Variants in MREG observed in about 807,000 individuals in gnomAD.
MREG encodes melanoregulin, also known as dilute suppressor protein homolog.
A neutral mutation model predicts 28.5 loss-of-function variants in MREG; 31 were observed. The observed-to-expected ratio is 1.09, with a 90% confidence interval of 0.82 to 1.47. The LOEUF (loss-of-function observed/expected upper bound fraction) is 1.47. MREG is among the 40% of genes most tolerant of loss of function. MREG has a pLI of 0.00. For missense variants in MREG, 256 were observed against 257.4 expected, an observed-to-expected ratio of 0.99 and a Z score of 0.04; for synonymous variants, 106 against 95.2, an observed-to-expected ratio of 1.11 and a Z score of -0.66.
rs182034663 is a variant in MREG at position 215,994,280 on chromosome 2, A to G, written c.255+2026T>C. Among the ~76,000 whole-genome samples, 910 of 151,950 alleles carry G rather than the reference A, an allele frequency of 6.0e-3. 20 individuals carry two copies. Among genetic ancestry groups the G allele is most frequent in the African/African-American group, 0.021 (851 of 41,258 alleles). On this transcript the variant is annotated intron_variant, in intron 2 of 4. Coordinates refer to ENST00000263268, the MANE Select transcript of MREG (RefSeq NM_018000.3). ...CTTTGCAGGGACATGGATGAAGCTG[A>G]AAACCATCATTCTCAGCAAACTAAC...
At chr2:215,957,170 C>G (rs1467262076) in intron 2 of MREG, among the ~76,000 whole-genome samples, 1 of 152,166 alleles carries the variant, frequency 6.6e-6, no homozygotes, top group East Asian at 1.9e-4. Flanking sequence ...AAAAGACCAA[C>G]CTGAAGCCAC....
Position 215,996,478 on chromosome 2 carries a change from A to T in MREG, c.96-13T>A. On this transcript the variant is annotated splice_polypyrimidine_tract_variant and intron_variant, in intron 1 of 4. Coordinates refer to ENST00000263268, the MANE Select transcript of MREG (RefSeq NM_018000.3). The stretch of plus-strand genomic sequence containing the variant: ...TGGATTGTTATCACTGTTGTATAAA[A>T]AAAGGAAAGATTGGGGTTTTATAAT... 6.3e-7 allele frequency: 1 copy of T among 1,599,120 alleles called. No individual in the cohort carries two copies. The highest frequency in any genetic ancestry group is 8.5e-7 in the Non-Finnish European group (1 of 1,173,312).
At chr2:216,030,461 T>A (rs1425647259) in intron 1 of MREG, among the ~76,000 whole-genome samples, 1 of 152,170 alleles carries the variant, frequency 6.6e-6, no homozygotes, top group Non-Finnish European at 1.5e-5. Context: ...AAGGCTAAAA[T>A]GAGATAATGC....
upstream of MREG, among the ~76,000 whole-genome samples, chr2:216,015,893 G>A (rs373188422): frequency 2.2e-4 from 33 of 152,290 alleles, no homozygotes; most frequent in African/African-American, 7.5e-4. Context: ...GGGAGGAGCC[G>A]GTTTGGAGGG....
chr2:215,977,058 T>C (rs1693281697), intron 2 of MREG, among the ~76,000 whole-genome samples: 1 of 152,164 alleles, frequency 6.6e-6, no homozygotes, highest in South Asian at 2.1e-4. Flanking sequence ...ATGGGCTAGA[T>C]GCCCCAACTA....
intron 1 of MREG, among the ~76,000 whole-genome samples, chr2:216,009,945 GTACTCTGTAA>G (rs1694254057): frequency 1.3e-5 from 2 of 152,168 alleles, no homozygotes; most frequent in African/African-American, 4.8e-5. Flanking sequence ...TCTTTCAAAA[GTACTCTGTAA>G]TGGGCTGAAT....
chr2:215,973,020 T>C (rs546776417), intron 2 of MREG, among the ~76,000 whole-genome samples: 1 of 152,092 alleles, frequency 6.6e-6, no homozygotes, highest in East Asian at 1.9e-4. Flanking sequence ...AATATGAGTG[T>C]TGGGGTCCTT....
chr2:215,977,668 A>G (rs1295653880), intron 2 of MREG, among the ~76,000 whole-genome samples: 1 of 152,234 alleles, frequency 6.6e-6, no homozygotes, highest in Non-Finnish European at 1.5e-5. Context: ...AACAGAAATT[A>G]TAACAAACTG....
chr2:215,965,053 C>G (rs183067996), intron 2 of MREG, among the ~76,000 whole-genome samples: 1 of 152,012 alleles, frequency 6.6e-6, no homozygotes, highest in Non-Finnish European at 1.5e-5. Context: ...CTTTAAAATC[C>G]CTAAGAATGA....
chr2:215,996,277 C>T (rs199575141), intron 2 of MREG, 29 bp downstream of exon 2: 769 of 1,603,418 alleles, frequency 4.8e-4, no homozygotes, highest in Non-Finnish European at 5.8e-4. Flanking sequence ...GCATCATCCG[C>T]GCACAGCAAG....
intron 2 of MREG, among the ~76,000 whole-genome samples, chr2:215,974,627 TA>T (rs1161239178): frequency 6.6e-6 from 1 of 152,098 alleles, no homozygotes; most frequent in Non-Finnish European, 1.5e-5. Context: ...CACAAAGATC[TA>T]TTAATTAGCA....
chr2:216,009,225 G>A (rs1254739019), intron 1 of MREG, among the ~76,000 whole-genome samples: 21 of 151,916 alleles, frequency 1.4e-4, no homozygotes, highest in Admixed American at 1.4e-3. Flanking sequence ...TGAACTCATG[G>A]CCAACACCCT....
chr2:215,975,659 T>C (rs1159597402), intron 2 of MREG, among the ~76,000 whole-genome samples: 1 of 152,162 alleles, frequency 6.6e-6, no homozygotes, highest in Non-Finnish European at 1.5e-5. Context: ...AATAACCTCA[T>C]AGGTTTCTGT....
At chr2:215,940,850 T>C (rs12472599), downstream of MREG, among the ~76,000 whole-genome samples, 44,091 of 151,996 alleles carry the variant, frequency 0.29, 6,790 homozygotes, top group Non-Finnish European at 0.35. Flanking sequence ...GTTGTGTGTG[T>C]GCGCGCGTGT....
At chr2:215,965,851 G>T (rs192587567) in intron 2 of MREG, among the ~76,000 whole-genome samples, 8 of 152,268 alleles carry the variant, frequency 5.3e-5, no homozygotes, top group Non-Finnish European at 7.4e-5. Flanking sequence ...AAGGAATGAA[G>T]GCAGGTGAAC....
At chr2:215,975,320 T>C (rs1159222766) in intron 2 of MREG, among the ~76,000 whole-genome samples, 1 of 152,194 alleles carries the variant, frequency 6.6e-6, no homozygotes, top group East Asian at 1.9e-4. Context: ...ACCAGTACTT[T>C]CATTGGGTAG....
intron 2 of MREG, among the ~76,000 whole-genome samples, chr2:215,955,880 A>G (rs1463179331): frequency 6.6e-6 from 1 of 152,200 alleles, no homozygotes; most frequent in African/African-American, 2.4e-5. Flanking sequence ...ACAGACTAGG[A>G]TAGTTCTGCC....
At chr2:215,988,499 G>GT (rs1469889269) in intron 2 of MREG, among the ~76,000 whole-genome samples, 1 of 152,018 alleles carries the variant, frequency 6.6e-6, no homozygotes, top group Non-Finnish European at 1.5e-5. Context: ...AGCTACAAGA[G>GT]TTTTTTTTCA....
chr2:215,960,912 C>T (rs889819580), intron 2 of MREG, among the ~76,000 whole-genome samples: 17 of 152,102 alleles, frequency 1.1e-4, no homozygotes, highest in Non-Finnish European at 7.4e-5. Flanking sequence ...CACCCTCTTC[C>T]GGCACTACAA....
Sources: allele counts gnomAD v4.1 joint callset (sites outside exome capture counted in the v4.1 genomes callset), GRCh38; gene constraint gnomAD v4.1.1; transcripts MANE v1.5; gene names NCBI Gene and HGNC (gene_info 2026-07-23, HGNC 2026-07-21).